The following NPC1 variants were observed in gnomAD, a reference collection of about 807,000 sequenced individuals.
NPC1 encodes the protein Niemann-Pick C1 protein.
Under a neutral mutation model 140.4 loss-of-function variants are expected in NPC1, and 85 were observed. The observed-to-expected ratio is 0.61, with a 90% CI of 0.51 to 0.72. NPC1 has a LOEUF of 0.72. Among genes scored for constraint, NPC1 ranks in the 30% least tolerant of loss-of-function variants. NPC1 has a pLI of 0.00. For synonymous variants in NPC1, 656 were observed against 624.8 expected (o/e 1.05, Z -0.74); for missense variants, 1,504 against 1,623.8 (o/e 0.93, Z 1.27).
Position 23,536,660 on chromosome 18 carries a change from G to GGGCAGGTAAA in NPC1, c.3245+12_3245+13insTTTACCTGCC. 1 of 1,611,252 alleles carries GGGCAGGTAAA rather than the reference G, an allele frequency of 6.2e-7. No homozygotes were observed. Among genetic ancestry groups the GGGCAGGTAAA allele is most frequent in the African/African-American group, 1.3e-5 (1 of 74,964 alleles). On this transcript the variant is annotated intron_variant, in intron 21 of 24. Transcript: ENST00000269228. ...TTGCTGGGTAAACCCCATTGAAAAAGGGCAGGCTTTACCTGTAAGGAAATA... is the reference window on the plus strand; with the variant it reads ...TTGCTGGGTAAACCCCATTGAAAAAGGGCAGGTAAAGGCAGGCTTTACCTGTAAGGAAATA...
At position 23,515,505 on chromosome 18, in the gene NPC1, GGATCTTCT is replaced by G. The variant is rs139819206; in HGVS notation, c.432-8871_432-8864del. The stretch of plus-strand genomic sequence containing the variant: ...TTTTTATTCTCAGAGCGCACTGTAA[GGATCTTCT>G]GACAGTTTGCTGTTATTGATTTATT... On this transcript the variant is annotated intron_variant, in intron 3 of 3. Transcript: ENST00000591107. Among the ~76,000 whole-genome samples, 927 of 152,282 alleles carry G rather than the reference GGATCTTCT, an allele frequency of 6.1e-3. 8 individuals are homozygous for G. Among genetic ancestry groups the G allele is most frequent in the African/African-American group, 0.021 (858 of 41,566 alleles).
intron 23 of NPC1, 118 bp from the exon 24 acceptor site, chr18:23,533,635 T>A: frequency 1.0e-6 from 1 of 1,000,984 alleles, no homozygotes; most frequent in South Asian, 1.3e-5. Context: ...GCCTCCTGAG[T>A]AGCTGGGATT....
At chr18:23,532,694 TC>T (rs901944577) in intron 24 of NPC1, among the ~76,000 whole-genome samples, 16 of 91,440 alleles carry the variant, frequency 1.7e-4, no homozygotes, top group African/African-American at 6.4e-4. Context: ...AGTGCTCATC[TC>T]TTTTTTTTTT....
chr18:23,523,543 CAAAAAAA>C (rs374224848), intron 1 of NPC1, among the ~76,000 whole-genome samples: 10 of 76,408 alleles, frequency 1.3e-4, no homozygotes, highest in Non-Finnish European at 1.9e-4. Context: ...CTTGTCTTCA[CAAAAAAA>C]AAAAAAAAAA....
intron 24 of NPC1, 123 bp from the exon 25 acceptor site, chr18:23,532,407 G>C (rs1255114504): frequency 1.9e-6 from 2 of 1,033,238 alleles, no homozygotes; most frequent in Non-Finnish European, 3.0e-6. Context: ...CTTGAGACCA[G>C]CCTGGACAAC....
chr18:23,508,963 TCTC>T (rs1301999119), intron 3 of NPC1, among the ~76,000 whole-genome samples: 2 of 152,336 alleles, frequency 1.3e-5, no homozygotes, highest in African/African-American at 4.8e-5. Flanking sequence ...AACACAGACT[TCTC>T]CTGTTCTGTT....
rs747422358 is a variant in NPC1 at position 23,540,431 on chromosome 18, AAAG to A, written c.2604+14_2604+16del. On this transcript the variant is annotated intron_variant, in intron 17 of 24. Transcript: ENST00000269228. The stretch of plus-strand genomic sequence containing the variant: ...GCTAAAGAAGTTAAAAAAAAAAAAA[AAAG>A]GAAGTCATCTTACATCTGGCATCGA... 9.3e-4 allele frequency: 1,396 copies of A among 1,498,762 alleles called. No homozygotes were observed. The highest frequency in any genetic ancestry group is 1.1e-3 in the Non-Finnish European group (1,203 of 1,086,842). The allele number at this position is 1,498,762 out of a possible 1,614,324, so 92.8% of individuals were successfully genotyped here.
intron 1 of NPC1, among the ~76,000 whole-genome samples, chr18:23,577,639 G>C (rs2059304658): frequency 6.6e-6 from 1 of 152,270 alleles, no homozygotes; most frequent in Non-Finnish European, 1.5e-5. Flanking sequence ...GCATTCCTCA[G>C]CCCTTGGGTG....
chr18:23,526,842 G>A (rs1175969654), downstream of NPC1: 2 of 1,549,090 alleles, frequency 1.3e-6, no homozygotes, highest in Non-Finnish European at 1.7e-6. Context: ...CGGGATGTGG[G>A]CTACATTGTT....
chr18:23,520,132 G>A, downstream of NPC1: 4 of 1,139,990 alleles, frequency 3.5e-6, no homozygotes, highest in South Asian at 5.0e-5. Context: ...ACAGCAAGAT[G>A]GGATGGAATG....
In NPC1 at chr18:23,551,716, G is replaced by C. The variant is rs2058875570; in HGVS notation, c.1565C>G (p.Ser522Cys). ...HFLYCVRAPA[S>C]LNDTSLLHDP... ...ATGGAGCAAACTTGTATCATTCAGA[G>C]AGGCAGGAGCCCTGCCAAAAAGTTT... Residue 522 changes from serine (S) to cysteine (C), a missense_variant, in exon 10 of 25, where the codon TCT becomes TGT. Transcript: ENST00000269228. 1 of 1,613,996 alleles carries C rather than the reference G, an allele frequency of 6.2e-7. No individual in the cohort carries two copies. The highest frequency in any genetic ancestry group is 8.5e-7 in the Non-Finnish European group (1 of 1,179,870).
At chr18:23,586,185 C>T in intron 1 of NPC1, 102 bp downstream of exon 1, 1 of 1,304,080 alleles carries the variant, frequency 7.7e-7, no homozygotes, top group Non-Finnish European at 1.0e-6. Context: ...AGACCAACTT[C>T]CCCAGGACCC....
intron 3 of NPC1, chr18:23,508,082 T>A: frequency 6.3e-7 from 1 of 1,577,270 alleles, no homozygotes; most frequent in Non-Finnish European, 8.6e-7. Flanking sequence ...GTGTCAGTGG[T>A]GTTGAGCTGG....
downstream of NPC1, chr18:23,520,064 CAAGT>C (rs1359807154): frequency 3.2e-6 from 2 of 626,710 alleles, no homozygotes; most frequent in Admixed American, 2.9e-5. Context: ...AATTCCTTCT[CAAGT>C]AAGAGCTAGC....
At chr18:23,585,815 G>C (rs2059411574) in intron 1 of NPC1, among the ~76,000 whole-genome samples, 1 of 152,158 alleles carries the variant, frequency 6.6e-6, no homozygotes, top group South Asian at 2.1e-4. Flanking sequence ...CTTATGTCAA[G>C]TACTCAAGGC....
intron 7 of NPC1, 74 bp downstream of exon 7, chr18:23,557,043 C>G: frequency 8.0e-7 from 1 of 1,254,418 alleles, no homozygotes; most frequent in Non-Finnish European, 1.2e-6. Flanking sequence ...TGCTGCAACC[C>G]CACTGAGGAA....
chr18:23,520,629 T>C (rs773366799), downstream of NPC1, among the ~76,000 whole-genome samples: 8 of 151,314 alleles, frequency 5.3e-5, no homozygotes, highest in Non-Finnish European at 5.9e-5. Context: ...CCAGCTAATT[T>C]TTATATTTTT....
chr18:23,523,957 C>T (rs115376264), intron 1 of NPC1, among the ~76,000 whole-genome samples: 2 of 152,138 alleles, frequency 1.3e-5, no homozygotes, highest in Non-Finnish European at 2.9e-5. Flanking sequence ...GCTCCTTCCC[C>T]CTTCCTCCCC....
intron 1 of NPC1, among the ~76,000 whole-genome samples, chr18:23,574,797 A>C (rs1274779351): frequency 1.3e-5 from 2 of 152,322 alleles, no homozygotes; most frequent in South Asian, 4.1e-4. Context: ...CAAGCCTTCA[A>C]CAAAGCCACA....
Sources: allele counts gnomAD v4.1 joint callset (sites outside exome capture counted in the v4.1 genomes callset), GRCh38; gene constraint gnomAD v4.1.1; transcripts MANE v1.5; gene names NCBI Gene and HGNC (gene_info 2026-07-23, HGNC 2026-07-21).